LGR5: variants seen among roughly 807,000 people sequenced by gnomAD.
LGR5 encodes the protein leucine rich repeat containing G protein-coupled receptor 5.
A neutral mutation model predicts 76.7 loss-of-function variants in LGR5; 54 were observed. That is an observed-to-expected ratio of 0.70 (90% confidence interval 0.57 to 0.88). The LOEUF is 0.88. Among genes scored for constraint, LGR5 ranks in the 40% least tolerant of loss-of-function variants. The probability of loss-of-function intolerance (pLI) is 0.00; values close to 1 mark genes in which losing one functional copy is unlikely to be tolerated. For synonymous variants in LGR5, 406 were observed against 421.9 expected (o/e 0.96, Z 0.46); for missense variants, 1,078 against 1,073.3 (o/e 1.00, Z -0.06).
Position 71,439,913 on chromosome 12 carries a change from G to A in LGR5, c.-168G>A, listed in dbSNP as rs1287571752. ...CAACCGGCACCTCTGTCCCCGCCGC[G>A]CTTCTCCTCGCCGCCCACGCCGTGG... On this transcript the variant is annotated 5_prime_UTR_variant, in exon 1 of 18. Coordinates refer to ENST00000266674, the MANE Select transcript of LGR5 (RefSeq NM_003667.4). 3.4e-6 allele frequency: 2 copies of A among 596,510 alleles called. No individual in the cohort carries two copies. The highest frequency in any genetic ancestry group is 2.0e-5 in the African/African-American group (1 of 50,082). The allele number at this position is 596,510 out of a possible 1,614,324, so 37.0% of individuals were successfully genotyped here.
At chr12:71,497,964 C>T (rs1402640332) in intron 1 of LGR5, among the ~76,000 whole-genome samples, 1 of 152,124 alleles carries the variant, frequency 6.6e-6, no homozygotes, top group Non-Finnish European at 1.5e-5. Flanking sequence ...CTACTTTAGT[C>T]ATCTCCCTCA....
At chr12:71,535,055 G>C in intron 3 of LGR5, 60 bp from the exon 4 acceptor site, 3 of 1,189,462 alleles carry the variant, frequency 2.5e-6, no homozygotes, top group Middle Eastern at 2.3e-4. Context: ...GCCTGGCCTT[G>C]TTTAGGCCTG....
At chr12:71,474,780 C>T (rs974331376) in intron 1 of LGR5, among the ~76,000 whole-genome samples, 1 of 152,154 alleles carries the variant, frequency 6.6e-6, no homozygotes, top group Non-Finnish European at 1.5e-5. Flanking sequence ...AATGTAGCAA[C>T]TGATCGTCTT....
At chr12:71,583,058 G>A in intron 17 of LGR5, among the ~76,000 whole-genome samples, 1 of 150,910 alleles carries the variant, frequency 6.6e-6, no homozygotes, top group East Asian at 2.0e-4. Flanking sequence ...GGGAAGGGAG[G>A]GGAGGAAAGT....
At chr12:71,439,705 G>T (rs890491618), upstream of LGR5, 1 of 219,192 alleles carries the variant, frequency 4.6e-6, no homozygotes, top group Non-Finnish European at 9.0e-6. Context: ...GGGCCGGGCG[G>T]GGGGTGCCTG....
chr12:71,475,261 A>G (rs1873277573), intron 1 of LGR5, among the ~76,000 whole-genome samples: 1 of 152,224 alleles, frequency 6.6e-6, no homozygotes, highest in Non-Finnish European at 1.5e-5. Flanking sequence ...AAGAAGGAAA[A>G]TAAACTAAAA....
chr12:71,535,751 A>G (rs943206236), intron 4 of LGR5, among the ~76,000 whole-genome samples: 7 of 152,180 alleles, frequency 4.6e-5, no homozygotes, highest in Admixed American at 1.3e-4. Context: ...AAACAATCCC[A>G]CAGATACAAA....
At chr12:71,512,004 G>GTTTGTTTT (rs71437182) in intron 2 of LGR5, among the ~76,000 whole-genome samples, 4 of 151,964 alleles carry the variant, frequency 2.6e-5, no homozygotes, top group Non-Finnish European at 4.4e-5. Context: ...TTGTTTGTTT[G>GTTTGTTTT]TTTTTTAGAC....
chr12:71,499,074 C>T lies in LGR5; in HGVS notation c.213-5540C>T, dbSNP rs190088551. Among the ~76,000 whole-genome samples the T allele has an allele frequency of 4.6e-5, 7 of 152,250 alleles. No homozygotes were observed. The East Asian group carries it at 9.7e-4, about 21-fold the overall frequency. ...GTTTTTTTTATTTTCTGGTAGCACT[C>T]AGTATCCTGGGATAATAACAGAGAA... On this transcript the variant is annotated intron_variant, in intron 1 of 17. Coordinates refer to ENST00000266674, the MANE Select transcript of LGR5 (RefSeq NM_003667.4).
intron 1 of LGR5, among the ~76,000 whole-genome samples, chr12:71,481,705 A>T (rs972854524): frequency 6.6e-6 from 1 of 152,174 alleles, no homozygotes; most frequent in East Asian, 1.9e-4. Flanking sequence ...TAACTGCAAG[A>T]TATTTCAGTT....
intron 13 of LGR5, among the ~76,000 whole-genome samples, chr12:71,576,234 G>A (rs1878849605): frequency 1.3e-5 from 2 of 152,118 alleles, no homozygotes; most frequent in Non-Finnish European, 2.9e-5. Context: ...CGTGTATCCT[G>A]GAACTTAAAA....
intron 1 of LGR5, among the ~76,000 whole-genome samples, chr12:71,468,599 G>T (rs1466263026): frequency 6.6e-6 from 1 of 151,810 alleles, no homozygotes; most frequent in Non-Finnish European, 1.5e-5. Context: ...TTTACTGATG[G>T]TTGACAAATG....
At chr12:71,566,355 CT>C (rs757755174) in intron 8 of LGR5, 48 bp from the exon 9 acceptor site, 3 of 1,228,644 alleles carry the variant, frequency 2.4e-6, no homozygotes, top group Admixed American at 3.7e-5. Context: ...AGATATTCAT[CT>C]TTCAAATTTT....
At chr12:71,558,253 C>T (rs535248415) in intron 6 of LGR5, among the ~76,000 whole-genome samples, 1 of 152,156 alleles carries the variant, frequency 6.6e-6, no homozygotes, top group Non-Finnish European at 1.5e-5. Context: ...TGAACAATAA[C>T]AGGAATGAAA....
intron 4 of LGR5, among the ~76,000 whole-genome samples, chr12:71,546,792 T>G (rs17109801): frequency 0.29 from 44,149 of 152,066 alleles, 7,104 homozygotes; most frequent in African/African-American, 0.42. Flanking sequence ...AACACTTTCA[T>G]GCAAACCTTG....
At chr12:71,449,358 C>A (rs1872157252) in intron 1 of LGR5, among the ~76,000 whole-genome samples, 2 of 152,220 alleles carry the variant, frequency 1.3e-5, no homozygotes, top group Admixed American at 1.3e-4. Context: ...TGTTCTTCAG[C>A]AGCTGTTGTT....
chr12:71,481,605 G>T (rs1040089507), intron 1 of LGR5, among the ~76,000 whole-genome samples: 1 of 152,100 alleles, frequency 6.6e-6, no homozygotes, highest in African/African-American at 2.4e-5. Context: ...CAGAGCCTTT[G>T]CATGTGTTTC....
At chr12:71,448,685 C>T (rs932419353) in intron 1 of LGR5, 3 of 152,100 alleles carry the variant, frequency 2.0e-5, no homozygotes, top group Non-Finnish European at 4.4e-5. Flanking sequence ...TTATGAAAAC[C>T]AAATAAAAAT....
intron 1 of LGR5, among the ~76,000 whole-genome samples, chr12:71,486,163 G>T (rs12297272): frequency 0.14 from 20,596 of 151,302 alleles, 2,336 homozygotes; most frequent in African/African-American, 0.31. Context: ...CCCCCTTTTT[G>T]CTCATCCTCT....
Sources: gnomAD v4.1 joint callset for allele counts (sites outside exome capture counted in the v4.1 genomes callset) on GRCh38, gnomAD v4.1.1 for gene constraint, MANE v1.5 for transcripts, NCBI Gene and HGNC (gene_info 2026-07-23, HGNC 2026-07-21) for gene names.